PCDH15: variants seen among roughly 807,000 people sequenced by gnomAD.
The protein encoded by PCDH15 is protocadherin-15.
PCDH15 carries 129 observed loss-of-function variants against 178.5 expected under a neutral mutation model. That is an observed-to-expected ratio of 0.72 (90% CI 0.63 to 0.84). The LOEUF (loss-of-function observed/expected upper bound fraction) is 0.84. Ranked by LOEUF, PCDH15 falls within the 40% of genes least tolerant of loss-of-function variation. The pLI is 0.00. For synonymous variants in PCDH15, 800 were observed against 732.0 expected (o/e 1.09, Z -1.50); for missense variants, 2,230 against 2,099.9 (o/e 1.06, Z -1.21).
At chr10:54,126,142 C>T (rs972559879) in intron 15 of PCDH15, among the ~76,000 whole-genome samples, 1 of 150,342 alleles carries the variant, frequency 6.7e-6, no homozygotes, top group Admixed American at 6.6e-5. Flanking sequence ...ATGATCTCAG[C>T]TCACTGCAAG....
chr10:53,811,530 T>C lies in PCDH15; in HGVS notation c.4562+19A>G. On this transcript the variant is annotated intron_variant, in intron 36 of 37. Transcript: ENST00000644397. Reference sequence around the variant, plus strand: ...AATATTAAAATAAGAATCTGAATTTTAAAAATCTGAAGATGTACCCATGCT... The same window carrying C: ...AATATTAAAATAAGAATCTGAATTTCAAAAATCTGAAGATGTACCCATGCT... The C allele has an allele frequency of 7.1e-7, 1 of 1,417,954 alleles. No individual in the cohort carries two copies. Among genetic ancestry groups the C allele is most frequent in the Non-Finnish European group, 9.5e-7 (1 of 1,057,076 alleles). The allele number at this position is 1,417,954 out of a possible 1,614,324, so 87.8% of individuals were successfully genotyped here.
At chr10:54,393,349 T>C (rs766929595) in intron 3 of PCDH15, among the ~76,000 whole-genome samples, 9 of 152,206 alleles carry the variant, frequency 5.9e-5, no homozygotes, top group Admixed American at 3.9e-4. Flanking sequence ...AAGAAGGTTT[T>C]TGGTAAAATA....
intron 2 of PCDH15, 68 bp from the exon 3 acceptor site, chr10:54,527,945 T>G: frequency 8.3e-7 from 1 of 1,204,284 alleles, no homozygotes; most frequent in Non-Finnish European, 1.2e-6. Flanking sequence ...AAAAAATTCA[T>G]TGAGATGTAT....
Position 54,436,044 on chromosome 10 carries a change from G to A in PCDH15, c.158-57102C>T, listed in dbSNP as rs1161681466. Among the ~76,000 whole-genome samples, 166 of 122,126 alleles carry A rather than the reference G, an allele frequency of 1.4e-3. 2 individuals carry two copies. Among genetic ancestry groups the A allele is most frequent in the African/African-American group, 5.2e-3 (141 of 27,248 alleles). The allele number at this position is 122,126 out of a possible 152,430, so 80.1% of individuals were successfully genotyped here. On this transcript the variant is annotated intron_variant, in intron 3 of 37. Transcript: ENST00000644397. ...GAGGAGAGGAGAGGAGAGAGAGAGA[G>A]AGAGAGAAAAGAAAGAAAGAAAGAA...
intron 2 of PCDH15, among the ~76,000 whole-genome samples, chr10:55,456,203 A>C (rs2132086878): frequency 6.6e-6 from 1 of 152,248 alleles, no homozygotes; most frequent in African/African-American, 2.4e-5. Flanking sequence ...GCAAACAAAA[A>C]AAAATCATGA....
chr10:54,372,528 C>A (rs1484687178), intron 4 of PCDH15, among the ~76,000 whole-genome samples: 2 of 151,724 alleles, frequency 1.3e-5, no homozygotes, highest in Non-Finnish European at 2.9e-5. Flanking sequence ...GGCATAGATT[C>A]AATTCTGCTG....
chr10:54,088,985 T>A (rs1430256736), intron 16 of PCDH15, among the ~76,000 whole-genome samples: 1 of 152,220 alleles, frequency 6.6e-6, no homozygotes, highest in Non-Finnish European at 1.5e-5. Flanking sequence ...TAATTTTTGA[T>A]TTCTACATCC....
Position 54,711,125 on chromosome 10 carries a change from T to C in PCDH15, c.-28-46835A>G, listed in dbSNP as rs143326778. Among the ~76,000 whole-genome samples the C allele has an allele frequency of 3.6e-3, 548 of 152,136 alleles. 1 individual carries two copies. The highest frequency in any genetic ancestry group is 0.012 in the African/African-American group (484 of 41,546). On this transcript the variant is annotated intron_variant, in intron 1 of 37. Transcript: ENST00000644397. ...ATCTGCTAAAAGGGTAAGAGGCTGC[T>C]TGCTGTCACAACTCAGGCTATTCAC...
chr10:54,295,364 C>G (rs112927977), intron 8 of PCDH15, among the ~76,000 whole-genome samples: 1 of 152,148 alleles, frequency 6.6e-6, no homozygotes, highest in East Asian at 1.9e-4. Context: ...TGGGCGGGGC[C>G]AAATAAGGGA....
chr10:54,002,997 AGTTGTAACACTC>A (rs2092236421), intron 20 of PCDH15, among the ~76,000 whole-genome samples: 2 of 152,084 alleles, frequency 1.3e-5, no homozygotes, highest in South Asian at 4.1e-4. Flanking sequence ...ACTCTTTTTG[AGTTGTAACACTC>A]ACTGTGAAGG....
chr10:54,287,800 C>T (rs1348255954), intron 8 of PCDH15, among the ~76,000 whole-genome samples: 1 of 152,064 alleles, frequency 6.6e-6, no homozygotes, highest in Non-Finnish European at 1.5e-5. Flanking sequence ...AATGAATAGA[C>T]AGTTGGGATT....
intron 1 of PCDH15, among the ~76,000 whole-genome samples, chr10:54,733,640 T>C (rs995985919): frequency 4.0e-5 from 6 of 151,562 alleles, no homozygotes; most frequent in Non-Finnish European, 8.9e-5. Flanking sequence ...AATTATAATA[T>C]CCAAAACATT....
intron 2 of PCDH15, among the ~76,000 whole-genome samples, chr10:55,608,817 G>T (rs1227384265): frequency 6.6e-6 from 1 of 151,942 alleles, no homozygotes; most frequent in Non-Finnish European, 1.5e-5. Flanking sequence ...GATGAAGAAA[G>T]GGCCTGGCAT....
chr10:54,719,084 A>G (rs1490430352), intron 1 of PCDH15, among the ~76,000 whole-genome samples: 1 of 152,120 alleles, frequency 6.6e-6, no homozygotes, highest in African/African-American at 2.4e-5. Flanking sequence ...AAAGAAGCTC[A>G]ATGAAATCCA....
intron 3 of PCDH15, among the ~76,000 whole-genome samples, chr10:54,449,957 T>C (rs1402138282): frequency 1.3e-5 from 2 of 151,576 alleles, no homozygotes; most frequent in Non-Finnish European, 2.9e-5. Flanking sequence ...AGGAAAACTA[T>C]GCACTGTATC....
At chr10:54,437,919 T>A (rs532501569) in intron 3 of PCDH15, among the ~76,000 whole-genome samples, 14 of 152,314 alleles carry the variant, frequency 9.2e-5, no homozygotes, top group Middle Eastern at 3.4e-3. Flanking sequence ...AATATGCTCG[T>A]TGGAATCTCT....
chr10:55,412,457 G>A (rs927603955), intron 2 of PCDH15, among the ~76,000 whole-genome samples: 9 of 152,084 alleles, frequency 5.9e-5, no homozygotes, highest in African/African-American at 2.2e-4. Flanking sequence ...GTAGAGTGGG[G>A]AGTGTGGCTA....
chr10:54,032,999 C>G (rs1388365855), intron 18 of PCDH15, among the ~76,000 whole-genome samples: 1 of 151,766 alleles, frequency 6.6e-6, no homozygotes, highest in Admixed American at 6.6e-5. Context: ...GAAGCCTCCC[C>G]CATGATCCAG....
At chr10:55,444,286 A>G (rs1359296693) in intron 2 of PCDH15, among the ~76,000 whole-genome samples, 1 of 150,024 alleles carries the variant, frequency 6.7e-6, no homozygotes, top group Non-Finnish European at 1.5e-5. Context: ...AGTGTAATTA[A>G]AAAAAAAAAA....
Sources: gnomAD v4.1 joint callset for allele counts (sites outside exome capture counted in the v4.1 genomes callset) on GRCh38, gnomAD v4.1.1 for gene constraint, MANE v1.5 for transcripts, NCBI Gene and HGNC (gene_info 2026-07-23, HGNC 2026-07-21) for gene names.